HIBCH: variants seen among roughly 807,000 people sequenced by gnomAD.
The protein encoded by HIBCH is 3-hydroxyisobutyryl-CoA hydrolase, mitochondrial.
Under a neutral mutation model 58.2 loss-of-function variants are expected in HIBCH, and 50 were observed. The ratio of observed to expected loss-of-function variants is 0.86; its 90% CI spans 0.68 to 1.09. HIBCH has a LOEUF of 1.09. Among genes scored for constraint, HIBCH ranks in the 50% least tolerant of loss-of-function variants. The pLI is 0.00. For missense variants in HIBCH, 450 were observed against 449.7 expected, an observed-to-expected ratio of 1.00 and a Z score of -0.01; for synonymous variants, 151 against 146.9, an observed-to-expected ratio of 1.03 and a Z score of -0.20.
intron 6 of HIBCH, among the ~76,000 whole-genome samples, chr2:190,264,791 G>GAT (rs1471395095): frequency 6.6e-6 from 1 of 152,054 alleles, no homozygotes; most frequent in African/African-American, 2.4e-5. Context: ...ATTTTGGTCA[G>GAT]ATATATACCA....
At chr2:190,259,046 A>C (rs1687010300) in intron 7 of HIBCH, among the ~76,000 whole-genome samples, 1 of 152,134 alleles carries the variant, frequency 6.6e-6, no homozygotes, top group South Asian at 2.1e-4. Flanking sequence ...TTTGAAGTCA[A>C]TACAAAGCCT....
Position 190,210,360 on chromosome 2 carries a change from G to A in HIBCH, c.1012-1447C>T, listed in dbSNP as rs1690489022. The stretch of plus-strand genomic sequence containing the variant: ...CGAAACATTCCTCACTTTCTTTTGT[G>A]ACACTACACTCTCCTGGTCCTCCTA... On this transcript the variant is annotated intron_variant, in intron 12 of 13. Coordinates refer to ENST00000359678, the MANE Select transcript of HIBCH (RefSeq NM_014362.4). The surrounding 1 kb of genome is among the most constrained non-coding windows in gnomAD (Gnocchi z 5.5). Among the ~76,000 whole-genome samples, 1 of 152,092 alleles carries A rather than the reference G, an allele frequency of 6.6e-6. No homozygotes were observed. The highest frequency in any genetic ancestry group is 2.1e-4 in the South Asian group (1 of 4,816).
At chr2:190,302,814 C>T (rs1255790811) in intron 2 of HIBCH, among the ~76,000 whole-genome samples, 1 of 152,102 alleles carries the variant, frequency 6.6e-6, no homozygotes, top group Non-Finnish European at 1.5e-5. Context: ...CACATTATGA[C>T]ATAACCTCAG....
intron 9 of HIBCH, among the ~76,000 whole-genome samples, chr2:190,247,452 C>A (rs1404468834): frequency 6.6e-6 from 1 of 152,130 alleles, no homozygotes; most frequent in Non-Finnish European, 1.5e-5. Context: ...ATATTCTCTC[C>A]ACCAAGTACT....
Position 190,279,965 on chromosome 2 carries a change from T to C in HIBCH, c.438+7621A>G, listed in dbSNP as rs184706829. On this transcript the variant is annotated intron_variant, in intron 6 of 13. Coordinates refer to ENST00000359678, the MANE Select transcript of HIBCH (RefSeq NM_014362.4). The surrounding 1 kb of genome is among the most constrained non-coding windows in gnomAD (Gnocchi z 4.2). ...ACAGCAGTAGGGTGAACGCGTCAGG[T>C]TATAAATTACCCTGTCCCCTTTGTT... 1 of 152,900 alleles carries C rather than the reference T, an allele frequency of 6.5e-6. No homozygotes were observed. Among genetic ancestry groups the C allele is most frequent in the African/African-American group, 2.4e-5 (1 of 41,504 alleles). The allele number at this position is 152,900 out of a possible 1,614,324, so 9.5% of individuals were successfully genotyped here.
intron 1 of HIBCH, among the ~76,000 whole-genome samples, chr2:190,191,545 G>A (rs1689710485): frequency 6.6e-6 from 1 of 152,134 alleles, no homozygotes. Context: ...CCAACTTTGT[G>A]AGAAACTGCC....
intron 9 of HIBCH, among the ~76,000 whole-genome samples, chr2:190,247,020 C>A (rs76718493): frequency 6.6e-6 from 1 of 150,596 alleles, no homozygotes; most frequent in Admixed American, 6.6e-5. Context: ...TTTTTTTAAA[C>A]CTGTGCCATT....
At chr2:190,277,879 A>T (rs1345183089) in intron 6 of HIBCH, among the ~76,000 whole-genome samples, 4 of 152,062 alleles carry the variant, frequency 2.6e-5, no homozygotes, top group Non-Finnish European at 5.9e-5. Flanking sequence ...AGCTCTCTCA[A>T]CCTCTTCTGG....
chr2:190,294,706 A>G, intron 3 of HIBCH, 76 bp from the exon 4 acceptor site: 2 of 863,968 alleles, frequency 2.3e-6, no homozygotes, highest in South Asian at 2.7e-5. Flanking sequence ...ATATGCACAT[A>G]TATTCAATCA....
At chr2:190,196,152 T>C (rs898138255) in intron 1 of HIBCH, among the ~76,000 whole-genome samples, 1 of 152,076 alleles carries the variant, frequency 6.6e-6, no homozygotes, top group Non-Finnish European at 1.5e-5. Context: ...CAACCCCCAA[T>C]GTTCTTCCTT....
At chr2:190,285,550 T>C (rs1029048927) in intron 6 of HIBCH, among the ~76,000 whole-genome samples, 1 of 152,070 alleles carries the variant, frequency 6.6e-6, no homozygotes, top group East Asian at 1.9e-4. Flanking sequence ...CGGTCCTTAT[T>C]TAGGGTGGTT....
chr2:190,241,889 C>A (rs1463108012), intron 11 of HIBCH, among the ~76,000 whole-genome samples: 1 of 152,142 alleles, frequency 6.6e-6, no homozygotes, highest in African/African-American at 2.4e-5. Context: ...TCTGGCTGCC[C>A]TTAACATTTT....
intron 11 of HIBCH, among the ~76,000 whole-genome samples, chr2:190,218,094 C>A (rs1407250798): frequency 2.6e-4 from 40 of 152,058 alleles, no homozygotes. Flanking sequence ...CACCCCCACC[C>A]CCCAAACTAT....
At position 190,254,676 on chromosome 2, in the gene HIBCH, G is replaced by A. The variant is rs546102326; in HGVS notation, c.518-2369C>T. Among the ~76,000 whole-genome samples the A allele has an allele frequency of 6.6e-6, 1 of 152,288 alleles. No homozygotes were observed. Among genetic ancestry groups the A allele is most frequent in the African/African-American group, 2.4e-5 (1 of 41,570 alleles). On this transcript the variant is annotated intron_variant, in intron 7 of 13. Coordinates refer to ENST00000359678, the MANE Select transcript of HIBCH (RefSeq NM_014362.4). The surrounding 1 kb of genome is among the most constrained non-coding windows in gnomAD (Gnocchi z 5.0). ...CTCATCAGCCTCATCCATCAAAGTA[G>A]CACAAGTTAAATACCTTGGAGTTAT...
intron 6 of HIBCH, among the ~76,000 whole-genome samples, chr2:190,285,990 C>T (rs750342880): frequency 6.6e-6 from 1 of 152,068 alleles, no homozygotes; most frequent in Non-Finnish European, 1.5e-5. Context: ...TACTGGTGCA[C>T]ACCATCACAC....
chr2:190,316,519 C>T (rs562992127), intron 1 of HIBCH, among the ~76,000 whole-genome samples: 1 of 152,284 alleles, frequency 6.6e-6, no homozygotes, highest in East Asian at 1.9e-4. Flanking sequence ...AAAATCAAGA[C>T]ATTTCACCTA....
At chr2:190,299,946 G>C (rs1688217399) in intron 2 of HIBCH, among the ~76,000 whole-genome samples, 1 of 101,770 alleles carries the variant, frequency 9.8e-6, no homozygotes, top group Non-Finnish European at 2.3e-5. Flanking sequence ...GCATTAGTTT[G>C]CTAAGGATGA....
intron 11 of HIBCH, among the ~76,000 whole-genome samples, chr2:190,227,379 G>A (rs1386036607): frequency 2.0e-5 from 3 of 152,162 alleles, no homozygotes; most frequent in African/African-American, 7.2e-5. Flanking sequence ...GTAGAAAGCT[G>A]AAACTGGATC....
intron 11 of HIBCH, among the ~76,000 whole-genome samples, chr2:190,225,984 G>A (rs549257873): frequency 4.4e-4 from 67 of 150,940 alleles, no homozygotes; most frequent in Non-Finnish European, 6.7e-4. Context: ...ATCAATAAAC[G>A]TAACAGACCC....
Sources: gnomAD v4.1 joint callset for allele counts (sites outside exome capture counted in the v4.1 genomes callset) on GRCh38, gnomAD v4.1.1 for gene constraint, Gnocchi (gnomAD v3.1) non-coding constraint, MANE v1.5 for transcripts, NCBI Gene and HGNC (gene_info 2026-07-23, HGNC 2026-07-21) for gene names.